Variants in HDHD5 observed in about 807,000 individuals in gnomAD.
The protein encoded by HDHD5 is haloacid dehalogenase-like hydrolase domain-containing 5.
HDHD5 carries 34 observed loss-of-function variants against 35.5 expected under a neutral mutation model. That is an observed-to-expected ratio of 0.96 (90% CI 0.73 to 1.28). The LOEUF (loss-of-function observed/expected upper bound fraction) is 1.28. Among genes scored for constraint, HDHD5 ranks in the 50% most tolerant of loss-of-function variants. The probability of loss-of-function intolerance (pLI) is 0.00; values close to 1 mark genes in which losing one functional copy is unlikely to be tolerated. For synonymous variants in HDHD5, 248 were observed against 240.6 expected (o/e 1.03, Z -0.29); for missense variants, 589 against 560.2 (o/e 1.05, Z -0.52).
chr22:17,145,907 G>A (rs2061657199), intron 3 of HDHD5, among the ~76,000 whole-genome samples: 1 of 151,986 alleles, frequency 6.6e-6, no homozygotes. Flanking sequence ...CTTGGGGAGG[G>A]GCAAGCCAGC....
At position 17,146,307 on chromosome 22, in the gene HDHD5, T is replaced by C. The variant is rs535113676; in HGVS notation, c.444-1190A>G. On this transcript the variant is annotated intron_variant, in intron 3 of 7. Coordinates refer to ENST00000336737, the MANE Select transcript of HDHD5 (RefSeq NM_033070.3). ...CCTCCCCTCCACACCTGTGGCGCCC[T>C]CCTGTGAGCTTACCGGCCTTCAATC... 1.3e-4 allele frequency among the ~76,000 whole-genome samples: 20 copies of C among 150,664 alleles called. No individual in the cohort carries two copies. The East Asian group carries it at 3.8e-3, about 28-fold the overall frequency.
Position 17,138,336 on chromosome 22 carries a change from T to C in HDHD5, c.957A>G (p.Val319=). The change falls in exon 8 of 8, where the codon GTA becomes GTG. Residue 319 remains valine (V), a synonymous_variant. Transcript: ENST00000336737. ...ACTGGTGGAACAGGTTGGCGCCGTA[T>C]ACGTCAGACATAGGGTTATCACTGG... ...YAVGDNPMSD[V]YGANLFHQYL... 8 of 1,613,800 alleles carry C rather than the reference T, an allele frequency of 5.0e-6. No homozygotes were observed. Among genetic ancestry groups the C allele is most frequent in the Non-Finnish European group, 6.8e-6 (8 of 1,179,928 alleles).
intron 1 of HDHD5, among the ~76,000 whole-genome samples, chr22:17,154,467 G>T (rs2061762351): frequency 6.6e-6 from 1 of 151,236 alleles, no homozygotes; most frequent in Non-Finnish European, 1.5e-5. Context: ...CAACAAGAGG[G>T]AAACTCCATC....
At chr22:17,162,536 T>G (rs921871394), upstream of HDHD5, among the ~76,000 whole-genome samples, 13 of 152,182 alleles carry the variant, frequency 8.5e-5, no homozygotes, top group Admixed American at 2.6e-4. Context: ...AGAAATGGGC[T>G]GGGTTTTGCT....
chr22:17,142,080 A>G (rs2061606369), intron 5 of HDHD5: 1 of 152,228 alleles, frequency 6.6e-6, no homozygotes, highest in South Asian at 2.1e-4. Context: ...TAATTTTTAA[A>G]AAAACCATCC....
chr22:17,162,095 T>A (rs2061866906), upstream of HDHD5, among the ~76,000 whole-genome samples: 1 of 152,126 alleles, frequency 6.6e-6, no homozygotes, highest in African/African-American at 2.4e-5. Flanking sequence ...TGTCATGTGG[T>A]GAGGCCATTC....
At position 17,138,266 on chromosome 22, in the gene HDHD5, C is replaced by A. The variant is rs781249350; in HGVS notation, c.1027G>T (p.Gly343Trp). The change falls in exon 8 of 8, where the codon GGG (glycine) becomes TGG (tryptophan). Residue 343 changes from glycine (G) to tryptophan (W), a missense_variant. Transcript: ENST00000336737. Reference sequence around the variant, plus strand: ...GAGGGCTGTTGCTGCCGTGTGCCCCCGGCCCCTAGTTCTGGCGCCCCATCA... The same window carrying A: ...GAGGGCTGTTGCTGCCGTGTGCCCCAGGCCCCTAGTTCTGGCGCCCCATCA... ...THDGAPELGAGGTRQQQPSAS... is the reference protein window; with the variant it reads ...THDGAPELGAWGTRQQQPSAS... 6.2e-7 allele frequency: 1 copy of A among 1,614,218 alleles called. No homozygotes were observed. The highest frequency in any genetic ancestry group is 8.5e-7 in the Non-Finnish European group (1 of 1,180,044).
At chr22:17,149,962 G>A (rs980526599) in intron 1 of HDHD5, among the ~76,000 whole-genome samples, 3 of 151,884 alleles carry the variant, frequency 2.0e-5, no homozygotes, top group African/African-American at 7.3e-5. Flanking sequence ...TTAATCATTC[G>A]CTTTTACAGA....
At chr22:17,157,830 C>T (rs2061816692) in intron 1 of HDHD5, among the ~76,000 whole-genome samples, 1 of 152,194 alleles carries the variant, frequency 6.6e-6, no homozygotes, top group South Asian at 2.1e-4. Context: ...ACCAGACTAC[C>T]TGAGTTCCAG....
Position 17,137,720 on chromosome 22 carries a change from A to G in HDHD5, c.*301T>C, listed in dbSNP as rs2061549530. On this transcript the variant is annotated 3_prime_UTR_variant, in exon 8 of 8. Transcript: ENST00000336737. ...TGCCTCCCCCATTTCAGAAGTCCCT[A>G]CTGAAATGAGAAGGACACTGAGGCA... is the stretch of plus-strand genomic sequence containing the variant. The G allele has an allele frequency of 2.9e-6, 1 of 347,368 alleles. No individual in the cohort carries two copies. The allele number at this position is 347,368 out of a possible 1,614,324, so 21.5% of individuals were successfully genotyped here.
chr22:17,152,537 C>T (rs912992615), intron 1 of HDHD5, among the ~76,000 whole-genome samples: 3 of 151,948 alleles, frequency 2.0e-5, no homozygotes, highest in Admixed American at 1.3e-4. Context: ...ACAGTAGGAG[C>T]GGGCAGCGAG....
At chr22:17,159,475 G>T, upstream of HDHD5, 1 of 517,648 alleles carries the variant, frequency 1.9e-6, no homozygotes, top group South Asian at 1.5e-5. Context: ...CGAGATCGCG[G>T]TGAGCTGGCC....
chr22:17,156,188 C>T (rs971978748), intron 1 of HDHD5, among the ~76,000 whole-genome samples: 4 of 152,148 alleles, frequency 2.6e-5, no homozygotes, highest in Non-Finnish European at 5.9e-5. Context: ...ATATGACTGC[C>T]CCCTAAAGAC....
chr22:17,143,950 T>A (rs1452740104), intron 4 of HDHD5, among the ~76,000 whole-genome samples: 3 of 152,114 alleles, frequency 2.0e-5, no homozygotes, highest in South Asian at 2.1e-4. Context: ...CACCAAGGGA[T>A]CAGATGAGTT....
At chr22:17,149,487 C>T (rs1303250950) in intron 2 of HDHD5, 55 bp downstream of exon 2, 9 of 1,543,308 alleles carry the variant, frequency 5.8e-6, no homozygotes, top group Admixed American at 1.7e-5. Context: ...GCTGGGGCAG[C>T]GGCTCCATTA....
chr22:17,151,780 G>A (rs4819970), intron 1 of HDHD5, among the ~76,000 whole-genome samples: 4 of 148,646 alleles, frequency 2.7e-5, no homozygotes, highest in South Asian at 2.1e-4. Flanking sequence ...GAGAAGAGAA[G>A]AGAAAAGGCG....
chr22:17,145,166 C>A (rs759168169), intron 3 of HDHD5, 49 bp from the exon 4 acceptor site: 30 of 1,609,430 alleles, frequency 1.9e-5, no homozygotes, highest in Non-Finnish European at 2.5e-5. Flanking sequence ...GGGAAGATGC[C>A]TTTCTGAATG....
At position 17,138,574 on chromosome 22, in the gene HDHD5, G is replaced by T; in HGVS notation, c.911C>A (p.Pro304His). ...CCCCACAGCATAGAGCTTCCGGATG[G>T]GGGCGGCCCAGCCCCGCCTCTCCGC... ...RQAERRGWAA[P>H]IRKLYAVGDN... is the part of the protein sequence containing the mutation. Residue 304 changes from proline to histidine, a missense_variant, in exon 7 of 8, where the codon CCC becomes CAC. Coordinates refer to ENST00000336737, the MANE Select transcript of HDHD5 (RefSeq NM_033070.3). 1 of 1,614,108 alleles carries T rather than the reference G, an allele frequency of 6.2e-7. No homozygotes were observed.
At chr22:17,160,666 T>A (rs1039854151), upstream of HDHD5, among the ~76,000 whole-genome samples, 571 of 147,640 alleles carry the variant, frequency 3.9e-3, 2 homozygotes, top group African/African-American at 4.9e-3. Flanking sequence ...AAAAAAATAA[T>A]AATAATAATA....
Sources: gnomAD v4.1 joint callset for allele counts (sites outside exome capture counted in the v4.1 genomes callset) on GRCh38, gnomAD v4.1.1 for gene constraint, MANE v1.5 for transcripts, NCBI Gene and HGNC (gene_info 2026-07-23, HGNC 2026-07-21) for gene names.